The following LRRC7 variants were observed in gnomAD, a reference collection of about 807,000 sequenced individuals.
LRRC7 encodes leucine rich repeat containing 7.
LRRC7 carries 23 observed loss-of-function variants against 175.7 expected under a neutral mutation model. The observed-to-expected ratio is 0.13, with a 90% CI of 0.09 to 0.19. The LOEUF is 0.19. Ranked by LOEUF, LRRC7 falls within the 10% of genes least tolerant of loss-of-function variation. The pLI is 1.00. For synonymous variants in LRRC7, 685 were observed against 680.9 expected, an observed-to-expected ratio of 1.01 and a Z score of -0.09; for missense variants, 1,354 against 1,904.7, an observed-to-expected ratio of 0.71 and a Z score of 5.38.
At chr1:69,865,468 C>CCTTTTTTT in intron 7 of LRRC7, among the ~76,000 whole-genome samples, 2 of 21,486 alleles carry the variant, frequency 9.3e-5, no homozygotes, top group South Asian at 1.9e-3. Flanking sequence ...GAAGACAGTT[C>CCTTTTTTT]CTTTTTTTTT....
At chr1:70,102,948 G>A (rs753289842) in intron 25 of LRRC7, among the ~76,000 whole-genome samples, 1 of 152,088 alleles carries the variant, frequency 6.6e-6, no homozygotes. Context: ...AACATCCTAG[G>A]CTGGACACAG....
At chr1:69,963,227 C>A (rs751323832) in intron 8 of LRRC7, among the ~76,000 whole-genome samples, 1 of 151,412 alleles carries the variant, frequency 6.6e-6, no homozygotes, top group Non-Finnish European at 1.5e-5. Context: ...ATTGCTTGAA[C>A]CCAGGAGGCA....
intron 26 of LRRC7, among the ~76,000 whole-genome samples, chr1:70,112,910 T>C (rs1320544845): frequency 6.6e-6 from 1 of 151,648 alleles, no homozygotes; most frequent in Non-Finnish European, 1.5e-5. Context: ...AAGGAGAGAA[T>C]ATTGGAGAGG....
chr1:69,579,234 T>G (rs1646094489), intron 1 of LRRC7, among the ~76,000 whole-genome samples: 1 of 152,164 alleles, frequency 6.6e-6, no homozygotes, highest in Non-Finnish European at 1.5e-5. Context: ...TTTTGTATTC[T>G]CTTTTTCTGG....
At chr1:69,934,512 T>A (rs919434180) in intron 8 of LRRC7, among the ~76,000 whole-genome samples, 17 of 43,616 alleles carry the variant, frequency 3.9e-4, no homozygotes, top group South Asian at 1.0e-3. Context: ...GGGCGGGGGG[T>A]GGGGGGTTTT....
At position 69,888,720 on chromosome 1, in the gene LRRC7, T is replaced by TA. The variant is rs143796769; in HGVS notation, c.648-42777dup. On this transcript the variant is annotated intron_variant, in intron 7 of 26. Transcript: ENST00000651989. The stretch of plus-strand genomic sequence containing the variant: ...CATGATCTCATTTATAGGTGGAATC[T>TA]AAAAAAAAAACAGACAGAAGCCGAG... Among the ~76,000 whole-genome samples the TA allele has an allele frequency of 8.7e-4, 129 of 147,466 alleles. 1 individual carries two copies. The South Asian group carries it at 0.012, about 13-fold the overall frequency.
At chr1:69,620,163 C>A (rs1412999229) in intron 1 of LRRC7, among the ~76,000 whole-genome samples, 8 of 152,102 alleles carry the variant, frequency 5.3e-5, no homozygotes, top group African/African-American at 1.9e-4. Flanking sequence ...AAGAAATTTG[C>A]AACATTCTTC....
rs559880790 is a variant in LRRC7 at position 69,568,311 on chromosome 1, C to T, written c.-329C>T. ...CCGCCGCCGCCGCTGCTGCTGCGGT[C>T]GCTAGCGCGGCGCGCTGGGCAGGCT... On this transcript the variant is annotated 5_prime_UTR_variant, in exon 1 of 27. Transcript: ENST00000651989. 2.4e-4 allele frequency: 49 copies of T among 204,562 alleles called. 2 individuals are homozygous for T. The South Asian group carries it at 3.8e-3, about 16-fold the overall frequency. The allele number at this position is 204,562 out of a possible 1,614,324, so 12.7% of individuals were successfully genotyped here.
At chr1:69,647,448 A>T (rs1655163073) in intron 1 of LRRC7, among the ~76,000 whole-genome samples, 1 of 152,202 alleles carries the variant, frequency 6.6e-6, no homozygotes, top group Non-Finnish European at 1.5e-5. Context: ...AGATATTTTC[A>T]GTTCTAGCAA....
At chr1:69,977,015 T>C (rs908630780) in intron 8 of LRRC7, among the ~76,000 whole-genome samples, 1 of 152,210 alleles carries the variant, frequency 6.6e-6, no homozygotes. Context: ...TGATCAAAAC[T>C]GATTTCAGTC....
chr1:69,624,901 C>G (rs560292216), intron 1 of LRRC7, among the ~76,000 whole-genome samples: 4 of 152,028 alleles, frequency 2.6e-5, no homozygotes, highest in Admixed American at 6.6e-5. Context: ...ATTACTGTAA[C>G]CTTATATTAA....
intron 7 of LRRC7, among the ~76,000 whole-genome samples, chr1:69,878,543 T>C (rs1686256145): frequency 6.6e-6 from 1 of 152,070 alleles, no homozygotes; most frequent in African/African-American, 2.4e-5. Flanking sequence ...ATTTAAAAAT[T>C]CTTTCTGCAG....
chr1:70,121,745 A>G (rs757690500), intron 26 of LRRC7, 35 bp from the exon 27 acceptor site: 1 of 1,344,556 alleles, frequency 7.4e-7, no homozygotes, highest in South Asian at 1.2e-5. Flanking sequence ...ATAATAGTTT[A>G]CATTGATTGC....
At chr1:69,715,772 T>G (rs1329305080) in intron 2 of LRRC7, among the ~76,000 whole-genome samples, 8 of 151,958 alleles carry the variant, frequency 5.3e-5, no homozygotes, top group Non-Finnish European at 1.2e-4. Flanking sequence ...TTTTTAAATT[T>G]TTTTATAAAT....
chr1:69,579,321 A>T (rs1646097690), intron 1 of LRRC7, among the ~76,000 whole-genome samples: 1 of 152,182 alleles, frequency 6.6e-6, no homozygotes, highest in Admixed American at 6.5e-5. Context: ...TAGTTTAATG[A>T]AACTTCAGAA....
Position 70,070,184 on chromosome 1 carries a change from A to C in LRRC7, c.4231-5893A>C, listed in dbSNP as rs575810179. Among the ~76,000 whole-genome samples, 5 of 152,152 alleles carry C rather than the reference A, an allele frequency of 3.3e-5. No individual in the cohort carries two copies. The East Asian group carries it at 9.7e-4, about 29-fold the overall frequency. ...AATTTTTTGTATTTCTTAAAAAGAC[A>C]GCGTTTCGCCGTGTTGCCCAGGCTG... On this transcript the variant is annotated intron_variant, in intron 23 of 26. Transcript: ENST00000651989.
rs1284571465 is a variant in LRRC7 at position 70,138,148 on chromosome 1, A to G, written c.*16261A>G. ...TTGCGCATCAACTTAGAAAATGTGA[A>G]TTGATTAAAAATATGTGATGGATTG... On this transcript the variant is annotated 3_prime_UTR_variant, in exon 27 of 27. Transcript: ENST00000651989. 2 of 152,190 alleles carry G rather than the reference A, an allele frequency of 1.3e-5. No individual in the cohort carries two copies. Among genetic ancestry groups the G allele is most frequent in the Non-Finnish European group, 2.9e-5 (2 of 68,036 alleles). The allele number at this position is 152,190 out of a possible 1,614,324, so 9.4% of individuals were successfully genotyped here.
intron 2 of LRRC7, among the ~76,000 whole-genome samples, chr1:69,718,095 AG>A (rs1335604141): frequency 1.2e-4 from 10 of 85,334 alleles, no homozygotes; most frequent in African/African-American, 2.2e-4. Flanking sequence ...AAAAAGAAAG[AG>A]AAGAAAGAGA....
intron 24 of LRRC7, among the ~76,000 whole-genome samples, chr1:70,088,821 T>G (rs1475430178): frequency 2.0e-5 from 3 of 152,140 alleles, no homozygotes; most frequent in African/African-American, 7.2e-5. Context: ...CTACAGTCTT[T>G]TTATTAACTT....
Sources: allele counts gnomAD v4.1 joint callset (sites outside exome capture counted in the v4.1 genomes callset), GRCh38; gene constraint gnomAD v4.1.1; transcripts MANE v1.5; gene names NCBI Gene and HGNC (gene_info 2026-07-23, HGNC 2026-07-21).